SLAIN1: variants seen among roughly 807,000 people sequenced by gnomAD.
The protein encoded by SLAIN1 is SLAIN family member 1, also known as SLAIN motif-containing protein 1.
A neutral mutation model predicts 55.4 loss-of-function variants in SLAIN1; 17 were observed. The ratio of observed to expected loss-of-function variants is 0.31; its 90% confidence interval spans 0.21 to 0.46. The LOEUF (loss-of-function observed/expected upper bound fraction) is 0.46. Ranked by LOEUF, SLAIN1 falls within the 20% of genes least tolerant of loss-of-function variation. SLAIN1 has a pLI of 1.00. For missense variants in SLAIN1, 682 were observed against 785.1 expected (o/e 0.87, Z 1.57); for synonymous variants, 348 against 337.4 (o/e 1.03, Z -0.35).
intron 4 of SLAIN1, among the ~76,000 whole-genome samples, chr13:77,751,793 C>G (rs1218744295): frequency 1.3e-5 from 2 of 152,166 alleles, no homozygotes; most frequent in South Asian, 4.1e-4. Flanking sequence ...GTGGGTGACG[C>G]ATGCTGTGCT....
rs1039861392 is a variant in SLAIN1, at chr13:77,741,116, G to T, written c.767-3167G>T. On this transcript the variant is annotated intron_variant, in intron 2 of 6. Coordinates refer to ENST00000418532, the MANE Select transcript of SLAIN1 (RefSeq NM_001242868.2). ...AGAGTGATGAATGCTGCTTACTTGT[G>T]ATGTGCTGCCGCCCGCATCTGTGGG... The T allele has an allele frequency of 4.1e-6, 4 of 983,480 alleles. No homozygotes were observed. The African/African-American group carries it at 5.2e-5, about 13-fold the overall frequency. 60.9% of individuals were successfully genotyped at this position (983,480 alleles called of 1,614,324 possible).
intron 1 of SLAIN1, chr13:77,699,074 T>C (rs1267789714): frequency 1.0e-5 from 16 of 1,528,644 alleles, no homozygotes; most frequent in Non-Finnish European, 1.4e-5. Context: ...TCTTGCTGTT[T>C]GAATTTTGCA....
intron 1 of SLAIN1, among the ~76,000 whole-genome samples, chr13:77,700,059 T>C (rs1414012742): frequency 6.6e-6 from 1 of 152,200 alleles, no homozygotes; most frequent in Admixed American, 6.5e-5. Context: ...ATATATGGGA[T>C]CAGTTTTATG....
chr13:77,722,866 C>T (rs2091274828), intron 2 of SLAIN1, among the ~76,000 whole-genome samples: 1 of 152,146 alleles, frequency 6.6e-6, no homozygotes, highest in South Asian at 2.1e-4. Context: ...CTGGCCTCAG[C>T]CTCCTGAGTA....
chr13:77,744,584 C>G, intron 3 of SLAIN1, 152 bp downstream of exon 3: 1 of 1,136,838 alleles, frequency 8.8e-7, no homozygotes, highest in Non-Finnish European at 1.3e-6. Context: ...CAGTTATATG[C>G]TTCTCACACT....
Position 77,763,274 on chromosome 13 carries a change from T to C in SLAIN1, c.*54T>C. The C allele has an allele frequency of 7.1e-7, 1 of 1,412,392 alleles. No homozygotes were observed. The highest frequency in any genetic ancestry group is 1.0e-6 in the Non-Finnish European group (1 of 998,276). 87.5% of individuals were successfully genotyped at this position (1,412,392 alleles called of 1,614,324 possible). ...GAAAGAAGTAAAAATGAGGGTTGTG[T>C]TACCTAGCTGGCTGGGTAGCAGTGG... On this transcript the variant is annotated 3_prime_UTR_variant, in exon 7 of 7. Transcript: ENST00000418532.
intron 1 of SLAIN1, among the ~76,000 whole-genome samples, chr13:77,712,285 G>A (rs1056365717): frequency 2.0e-5 from 3 of 152,162 alleles, no homozygotes; most frequent in Non-Finnish European, 4.4e-5. Flanking sequence ...AATTGTCTCT[G>A]TTTGCAGATG....
At chr13:77,752,702 G>A (rs139552614) in intron 4 of SLAIN1, among the ~76,000 whole-genome samples, 15 of 152,246 alleles carry the variant, frequency 9.9e-5, no homozygotes, top group Non-Finnish European at 2.1e-4. Flanking sequence ...AGAGATCCTG[G>A]CAAACCACTG....
At chr13:77,713,564 CTGT>C (rs2091174481) in intron 1 of SLAIN1, among the ~76,000 whole-genome samples, 1 of 152,174 alleles carries the variant, frequency 6.6e-6, no homozygotes, top group African/African-American at 2.4e-5. Flanking sequence ...CACTTTTACA[CTGT>C]TGGTGGGAGT....
chr13:77,731,380 C>A (rs913396729), intron 2 of SLAIN1, among the ~76,000 whole-genome samples: 1 of 152,050 alleles, frequency 6.6e-6, no homozygotes, highest in African/African-American at 2.4e-5. Flanking sequence ...TGTACCGAAG[C>A]AAATAAGTGT....
chr13:77,743,462 G>T, intron 2 of SLAIN1: 1 of 155,114 alleles, frequency 6.4e-6, no homozygotes, highest in Non-Finnish European at 1.4e-5. Flanking sequence ...ACACAATTAA[G>T]GTAGTTTTTA....
chr13:77,741,279 T>A (rs1031275110), intron 2 of SLAIN1: 3 of 987,298 alleles, frequency 3.0e-6, no homozygotes, highest in Non-Finnish European at 3.6e-6. Flanking sequence ...AAACTTTGAA[T>A]AATAGAGATT....
chr13:77,713,280 G>C (rs2091171483), intron 1 of SLAIN1, among the ~76,000 whole-genome samples: 1 of 152,014 alleles, frequency 6.6e-6, no homozygotes, highest in Non-Finnish European at 1.5e-5. Context: ...CTATCCACCT[G>C]ACAAAGCGCT....
chr13:77,746,427 G>A, intron 3 of SLAIN1, 87 bp from the exon 4 acceptor site: 1 of 1,153,302 alleles, frequency 8.7e-7, no homozygotes, highest in Non-Finnish European at 1.2e-6. Flanking sequence ...AATTTATTTG[G>A]CACAATTTTT....
intron 5 of SLAIN1, 112 bp downstream of exon 5, chr13:77,753,470 A>C (rs1874386071): frequency 1.7e-6 from 1 of 591,658 alleles, no homozygotes; most frequent in African/African-American, 2.0e-5. Context: ...TTGAAAGAAC[A>C]CTAAACTTTT....
intron 3 of SLAIN1, among the ~76,000 whole-genome samples, chr13:77,744,907 G>C (rs1483562038): frequency 2.6e-5 from 4 of 151,998 alleles, no homozygotes; most frequent in African/African-American, 7.2e-5. Context: ...TCAATAAAGA[G>C]GAACAAACTA....
intron 2 of SLAIN1, among the ~76,000 whole-genome samples, chr13:77,736,160 C>A (rs993744059): frequency 3.3e-5 from 5 of 151,998 alleles, no homozygotes; most frequent in Non-Finnish European, 7.4e-5. Flanking sequence ...AACCATTTTC[C>A]TTGTTTCCAG....
chr13:77,698,281 C>G lies in SLAIN1; in HGVS notation c.368C>G (p.Pro123Arg), dbSNP rs1274647895. The change falls in exon 1 of 7, where the codon CCG (proline) becomes CGG (arginine). Residue 123 changes from proline (P) to arginine (R), a missense_variant. Physicochemically the swap from Pro to Arg is moderately radical, Grantham distance 103 (BLOSUM62 -2). Transcript: ENST00000418532. The surrounding 1 kb of genome is among the most constrained non-coding windows in gnomAD (Gnocchi z 4.1). The part of the protein sequence containing the change: ...GSGGGSSPAF[P>R]GTFCLPSPAP... ...GGCGGTGGCTCCAGCCCCGCGTTCCCGGGCACCTTCTGCCTGCCTAGCCCC... is the reference window on the plus strand; with the variant it reads ...GGCGGTGGCTCCAGCCCCGCGTTCCGGGGCACCTTCTGCCTGCCTAGCCCC... The G allele has an allele frequency of 1.4e-6, 2 of 1,426,420 alleles. No homozygotes were observed. The highest frequency in any genetic ancestry group is 9.2e-7 in the Non-Finnish European group (1 of 1,089,064). 88.4% of individuals were successfully genotyped at this position (1,426,420 alleles called of 1,614,324 possible). A position where few individuals can be genotyped will look rare whatever the true frequency, so the allele number is the denominator to read the frequency against.
chr13:77,746,593 A>G lies in SLAIN1; in HGVS notation c.996A>G (p.Lys332=). The G allele has an allele frequency of 6.2e-7, 1 of 1,613,544 alleles. No individual in the cohort carries two copies. The highest frequency in any genetic ancestry group is 8.5e-7 in the Non-Finnish European group (1 of 1,179,648). Reference sequence around the variant, plus strand: ...GTGTGTCATTGAGTTCAGGAAAAAAAGGGACATGTAGTGATCAAGAATATG... The same window carrying G: ...GTGTGTCATTGAGTTCAGGAAAAAAGGGGACATGTAGTGATCAAGAATATG... ...SSSVSLSSGK[K]GTCSDQEYDQ... The change falls in exon 4 of 7, where the codon AAA becomes AAG. Residue 332 remains lysine, a synonymous_variant. Transcript: ENST00000418532.
Sources: allele counts gnomAD v4.1 joint callset (sites outside exome capture counted in the v4.1 genomes callset), GRCh38; gene constraint gnomAD v4.1.1; non-coding constraint Gnocchi (gnomAD v3.1); transcripts MANE v1.5; gene names NCBI Gene and HGNC (gene_info 2026-07-23, HGNC 2026-07-21).